FANCC: variants seen among roughly 807,000 people sequenced by gnomAD.
FANCC encodes the protein FA complementation group C.
In FANCC, 55 loss-of-function variants were observed where a neutral mutation model predicts 71.3. The ratio of observed to expected loss-of-function variants is 0.77; its 90% CI spans 0.62 to 0.97. The LOEUF is 0.97. FANCC is among the 50% of genes least tolerant of loss of function. The pLI, the probability that FANCC is intolerant of heterozygous loss-of-function variation, is 0.00. For missense variants in FANCC, 678 were observed against 670.9 expected (o/e 1.01, Z -0.12); for synonymous variants, 275 against 244.9 (o/e 1.12, Z -1.15).
chr9:95,226,967 C>A (rs945427289), intron 4 of FANCC, among the ~76,000 whole-genome samples: 2 of 152,178 alleles, frequency 1.3e-5, no homozygotes, highest in South Asian at 2.1e-4. Context: ...CTTCTACCCC[C>A]ACAGGCACAG....
chr9:95,178,591 G>A (rs1342067541), intron 4 of FANCC, among the ~76,000 whole-genome samples: 1 of 152,198 alleles, frequency 6.6e-6, no homozygotes. Context: ...GCTGACTGGC[G>A]CCCTGTGCCC....
chr9:95,142,085 C>G (rs1465146741), intron 7 of FANCC, among the ~76,000 whole-genome samples: 2 of 150,782 alleles, frequency 1.3e-5, no homozygotes, highest in Non-Finnish European at 2.9e-5. Context: ...CTCTGCCTCC[C>G]GGGTTCAAGC....
intron 10 of FANCC, among the ~76,000 whole-genome samples, chr9:95,122,908 G>A (rs1432555276): frequency 6.6e-6 from 1 of 152,274 alleles, no homozygotes; most frequent in South Asian, 2.1e-4. Context: ...TTCCAGCCGA[G>A]CCACCTCCAA....
At chr9:95,315,778 C>T (rs976874355) in intron 1 of FANCC, among the ~76,000 whole-genome samples, 5 of 152,244 alleles carry the variant, frequency 3.3e-5, no homozygotes, top group African/African-American at 1.2e-4. Context: ...CTCTGGCTCT[C>T]TCCATGGCCC....
chr9:95,114,925 G>T (rs987027616), intron 11 of FANCC, among the ~76,000 whole-genome samples: 2 of 152,132 alleles, frequency 1.3e-5, no homozygotes, highest in African/African-American at 4.8e-5. Context: ...GAACATCAAA[G>T]AATCTAATCT....
At chr9:95,197,682 TG>T (rs1827543957) in intron 4 of FANCC, among the ~76,000 whole-genome samples, 1 of 152,180 alleles carries the variant, frequency 6.6e-6, no homozygotes, top group South Asian at 2.1e-4. Context: ...GCAGGAATCG[TG>T]GCTTGTTAGT....
intron 1 of FANCC, among the ~76,000 whole-genome samples, chr9:95,302,320 C>T (rs960024600): frequency 1.1e-4 from 17 of 152,104 alleles, no homozygotes; most frequent in African/African-American, 3.1e-4. Flanking sequence ...GGTCTGAACC[C>T]GGCGTCACTA....
chr9:95,114,157 A>G lies in FANCC; in HGVS notation c.1154+472T>C, dbSNP rs563969419. The G allele has an allele frequency of 9.4e-5, 19 of 203,096 alleles. No individual in the cohort carries two copies. The East Asian group carries it at 2.0e-3, about 22-fold the overall frequency. The allele number at this position is 203,096 out of a possible 1,614,324, so 12.6% of individuals were successfully genotyped here. A position where few individuals can be genotyped will look rare whatever the true frequency, so the allele number is the denominator to read the frequency against. ...AGATTTTCTCATTTTAGAGAGATTT[A>G]TTAGAGAGAAGGAAAAGCAAGCATT... is the stretch of plus-strand genomic sequence containing the variant. On this transcript the variant is annotated intron_variant, in intron 12 of 14. Coordinates refer to ENST00000289081, the MANE Select transcript of FANCC (RefSeq NM_000136.3).
intron 4 of FANCC, among the ~76,000 whole-genome samples, chr9:95,186,823 AC>A (rs1215906007): frequency 7.3e-6 from 1 of 137,874 alleles, no homozygotes; most frequent in Non-Finnish European, 1.5e-5. Flanking sequence ...AAAGAGTCTC[AC>A]TCTGTGGCCC....
intron 8 of FANCC, among the ~76,000 whole-genome samples, chr9:95,127,705 GC>G (rs1213471262): frequency 6.6e-6 from 1 of 152,188 alleles, no homozygotes; most frequent in African/African-American, 2.4e-5. Context: ...CTGTTCACAG[GC>G]CCCCGTCGGC....
At chr9:95,184,990 T>C (rs1588243387) in intron 4 of FANCC, among the ~76,000 whole-genome samples, 1 of 152,206 alleles carries the variant, frequency 6.6e-6, no homozygotes, top group Non-Finnish European at 1.5e-5. Context: ...AACAAAATAT[T>C]CTTGTAACAC....
chr9:95,140,133 AAT>A (rs1443792434), intron 7 of FANCC, among the ~76,000 whole-genome samples: 2 of 152,064 alleles, frequency 1.3e-5, no homozygotes, highest in Admixed American at 6.5e-5. Context: ...TGTTTTAGGA[AAT>A]GGGGTGGACA....
intron 1 of FANCC, among the ~76,000 whole-genome samples, chr9:95,291,967 A>AATATATATATATATAT (rs34066396): frequency 1.6e-4 from 8 of 50,412 alleles, no homozygotes; most frequent in Non-Finnish European, 2.7e-4. Context: ...AAAAAAAAAA[A>AATATATATATATATAT]ATATATATAT....
At chr9:95,308,670 C>G (rs1478583812) in intron 1 of FANCC, among the ~76,000 whole-genome samples, 4 of 152,088 alleles carry the variant, frequency 2.6e-5, no homozygotes, top group Non-Finnish European at 1.5e-5. Context: ...TGAGCCACCA[C>G]GCCCGGCCTA....
intron 1 of FANCC, among the ~76,000 whole-genome samples, chr9:95,259,753 G>A (rs1453790484): frequency 6.6e-6 from 1 of 152,120 alleles, no homozygotes; most frequent in Non-Finnish European, 1.5e-5. Context: ...GAGTGAACGG[G>A]CAACCTACAG....
chr9:95,227,157 C>G (rs1829671365), intron 4 of FANCC, among the ~76,000 whole-genome samples: 1 of 152,224 alleles, frequency 6.6e-6, no homozygotes. Flanking sequence ...CACTCTCTCT[C>G]CTCTCTAAGA....
chr9:95,282,836 G>A (rs1240848674), intron 1 of FANCC, among the ~76,000 whole-genome samples: 1 of 152,100 alleles, frequency 6.6e-6, no homozygotes, highest in Non-Finnish European at 1.5e-5. Flanking sequence ...TAAACAATGA[G>A]TTAATGAATA....
chr9:95,252,287 A>AG (rs1213703730), intron 1 of FANCC, among the ~76,000 whole-genome samples: 11 of 149,408 alleles, frequency 7.4e-5, no homozygotes, highest in African/African-American at 9.8e-5. Context: ...AAAAAAAAAA[A>AG]AAAAAAAGAA....
chr9:95,100,233 A>C lies in FANCC; in HGVS notation c.*1474T>G. The C allele has an allele frequency of 4.4e-6, 1 of 225,370 alleles. No individual in the cohort carries two copies. Among genetic ancestry groups the C allele is most frequent in the Non-Finnish European group, 8.5e-6 (1 of 117,820 alleles). 14.0% of individuals were successfully genotyped at this position (225,370 alleles called of 1,614,324 possible). A position where few individuals can be genotyped will look rare whatever the true frequency, so the allele number is the denominator to read the frequency against. On this transcript the variant is annotated 3_prime_UTR_variant, in exon 15 of 15. Coordinates refer to ENST00000289081, the MANE Select transcript of FANCC (RefSeq NM_000136.3). Reference sequence around the variant, plus strand: ...TATGAAGGCAATGACCATGAGCACGAAGCATGTTATATGAAGGCAATGACC... The same window carrying C: ...TATGAAGGCAATGACCATGAGCACGCAGCATGTTATATGAAGGCAATGACC...
Sources: gnomAD v4.1 joint callset for allele counts (sites outside exome capture counted in the v4.1 genomes callset) on GRCh38, gnomAD v4.1.1 for gene constraint, MANE v1.5 for transcripts, NCBI Gene and HGNC (gene_info 2026-07-23, HGNC 2026-07-21) for gene names.